DIAPH3: variants seen among roughly 807,000 people sequenced by gnomAD.
DIAPH3 encodes the protein protein diaphanous homolog 3.
A neutral mutation model predicts 144.3 loss-of-function variants in DIAPH3; 117 were observed. That is an observed-to-expected ratio of 0.81 (90% CI 0.70 to 0.95). The LOEUF (loss-of-function observed/expected upper bound fraction) is 0.95, where lower values mean the gene tolerates loss of function less well. Among genes scored for constraint, DIAPH3 ranks in the 40% least tolerant of loss-of-function variants. The probability of loss-of-function intolerance (pLI) is 0.00; values close to 1 mark genes in which losing one functional copy is unlikely to be tolerated. For missense variants in DIAPH3, 1,421 were observed against 1,412.7 expected (o/e 1.01, Z -0.09); for synonymous variants, 519 against 488.9 (o/e 1.06, Z -0.81).
chr13:59,915,183 A>T (rs1401663394), intron 19 of DIAPH3, among the ~76,000 whole-genome samples: 2 of 152,128 alleles, frequency 1.3e-5, no homozygotes, highest in African/African-American at 4.8e-5. Flanking sequence ...ATCAACATGA[A>T]CGAAGATGAA....
chr13:59,898,741 G>A (rs371393277), intron 20 of DIAPH3, among the ~76,000 whole-genome samples: 3 of 152,164 alleles, frequency 2.0e-5, no homozygotes, highest in African/African-American at 7.2e-5. Context: ...ATGAGAAGCC[G>A]ATGAGTACTA....
chr13:59,684,991 A>C (rs1169457990), intron 27 of DIAPH3, among the ~76,000 whole-genome samples: 1 of 152,098 alleles, frequency 6.6e-6, no homozygotes, highest in African/African-American at 2.4e-5. Context: ...AATACATATG[A>C]ATTACAGCTC....
chr13:59,790,678 G>A (rs1281064043), intron 25 of DIAPH3, among the ~76,000 whole-genome samples: 1 of 152,082 alleles, frequency 6.6e-6, no homozygotes, highest in Non-Finnish European at 1.5e-5. Flanking sequence ...AAGTCAGCAA[G>A]GAGAATAAGG....
chr13:59,844,301 G>A (rs1465605355), intron 22 of DIAPH3, among the ~76,000 whole-genome samples: 22 of 151,684 alleles, frequency 1.5e-4, no homozygotes, highest in Admixed American at 3.3e-4. Flanking sequence ...TCAGGACATC[G>A]AGACCATCCT....
At chr13:60,163,409 T>C (rs1952393249) in intron 1 of DIAPH3, among the ~76,000 whole-genome samples, 178 bp downstream of exon 1, 1 of 152,260 alleles carries the variant, frequency 6.6e-6, no homozygotes, top group Non-Finnish European at 1.5e-5. Flanking sequence ...CACAAAGATC[T>C]GGGCATTTGT....
chr13:59,764,461 G>T (rs921107367), intron 27 of DIAPH3, among the ~76,000 whole-genome samples: 4 of 151,328 alleles, frequency 2.6e-5, no homozygotes, highest in South Asian at 2.1e-4. Context: ...GGGGCCCTGT[G>T]GTGTTGTGGA....
chr13:60,012,983 T>C (rs2053378532), intron 7 of DIAPH3: 7 of 983,928 alleles, frequency 7.1e-6, no homozygotes, highest in Non-Finnish European at 7.2e-6. Flanking sequence ...TTACTCTCAA[T>C]TATTTAAAAA....
chr13:59,746,476 G>A (rs1339460425), intron 27 of DIAPH3, among the ~76,000 whole-genome samples: 1 of 151,608 alleles, frequency 6.6e-6, no homozygotes, highest in African/African-American at 2.4e-5. Flanking sequence ...TGCCAGCCTT[G>A]GCCTCCGAAA....
At chr13:60,031,422 C>T (rs1025865076) in intron 5 of DIAPH3, among the ~76,000 whole-genome samples, 2 of 152,088 alleles carry the variant, frequency 1.3e-5, no homozygotes, top group African/African-American at 2.4e-5. Context: ...ATCAGTCTGC[C>T]CCAAGCCCCT....
chr13:59,668,224 G>T (rs377567074), intron 27 of DIAPH3, among the ~76,000 whole-genome samples: 1 of 152,192 alleles, frequency 6.6e-6, no homozygotes, highest in Non-Finnish European at 1.5e-5. Flanking sequence ...GGTAGATGTG[G>T]TATTCCTGCA....
intron 20 of DIAPH3, among the ~76,000 whole-genome samples, chr13:59,888,056 A>T (rs1230669589): frequency 6.6e-6 from 1 of 152,086 alleles, no homozygotes; most frequent in Non-Finnish European, 1.5e-5. Flanking sequence ...TTTGTTTTCC[A>T]TATGTCCTTT....
rs187635886 is a variant in DIAPH3, at chr13:60,130,565, G to A, written c.213+2392C>T. Among the ~76,000 whole-genome samples the A allele has an allele frequency of 2.1e-3, 326 of 152,290 alleles. 3 individuals are homozygous for A. Among genetic ancestry groups the A allele is most frequent in the African/African-American group, 7.6e-3 (314 of 41,552 alleles). On this transcript the variant is annotated intron_variant, in intron 2 of 27. Transcript: ENST00000400324. ...GCAAAAAAGGCAAGACTCTGTCTCT[G>A]GGAAGCCTGACTAGCGCCAAGCCAG...
At chr13:59,815,783 C>A (rs982930962) in intron 24 of DIAPH3, among the ~76,000 whole-genome samples, 1 of 152,012 alleles carries the variant, frequency 6.6e-6, no homozygotes, top group Non-Finnish European at 1.5e-5. Context: ...ATATATGCTA[C>A]TGATAATTTT....
intron 27 of DIAPH3, among the ~76,000 whole-genome samples, chr13:59,750,820 C>T (rs1245223934): frequency 6.6e-6 from 1 of 152,212 alleles, no homozygotes; most frequent in East Asian, 1.9e-4. Context: ...ACAGTTGCTA[C>T]GATATGCCTA....
At chr13:59,902,157 T>G (rs192893519) in intron 20 of DIAPH3, among the ~76,000 whole-genome samples, 26 of 152,338 alleles carry the variant, frequency 1.7e-4, no homozygotes, top group African/African-American at 5.8e-4. Flanking sequence ...ATGGTTGATA[T>G]GGTTTGGATT....
At chr13:59,782,413 T>A (rs1480659649) in intron 25 of DIAPH3, among the ~76,000 whole-genome samples, 2 of 151,970 alleles carry the variant, frequency 1.3e-5, no homozygotes, top group Non-Finnish European at 2.9e-5. Context: ...CACATAAATA[T>A]CAGAAGAAAT....
chr13:59,924,732 A>G, intron 18 of DIAPH3, 43 bp downstream of exon 18: 1 of 1,578,990 alleles, frequency 6.3e-7, no homozygotes, highest in Non-Finnish European at 8.6e-7. Flanking sequence ...ATTTAAAGAA[A>G]TATTTCCACT....
At chr13:60,088,819 A>G (rs960010636) in intron 4 of DIAPH3, among the ~76,000 whole-genome samples, 6 of 152,096 alleles carry the variant, frequency 3.9e-5, no homozygotes, top group African/African-American at 1.4e-4. Flanking sequence ...ACAGGGTTTC[A>G]CCATGTTAGC....
intron 21 of DIAPH3, among the ~76,000 whole-genome samples, chr13:59,864,627 G>T (rs1466039150): frequency 6.6e-6 from 1 of 152,030 alleles, no homozygotes; most frequent in African/African-American, 2.4e-5. Context: ...GTCTTTATTT[G>T]TAAGCAATGA....
Sources: gnomAD v4.1 joint callset for allele counts (sites outside exome capture counted in the v4.1 genomes callset) on GRCh38, gnomAD v4.1.1 for gene constraint, MANE v1.5 for transcripts, NCBI Gene and HGNC (gene_info 2026-07-23, HGNC 2026-07-21) for gene names.